PDE7B: variants seen among roughly 807,000 people sequenced by gnomAD.
PDE7B encodes the protein phosphodiesterase 7B, also known as 3',5'-cyclic-AMP phosphodiesterase 7B.
PDE7B carries 29 observed loss-of-function variants against 56.2 expected under a neutral mutation model. The ratio of observed to expected loss-of-function variants is 0.52; its 90% confidence interval spans 0.38 to 0.70. The LOEUF is 0.70. Among genes scored for constraint, PDE7B ranks in the 30% least tolerant of loss-of-function variants. The pLI, the probability that PDE7B is intolerant of heterozygous loss-of-function variation, is 0.00. For synonymous variants in PDE7B, 197 were observed against 196.9 expected, an observed-to-expected ratio of 1.00 and a Z score of 0.00; for missense variants, 490 against 565.0, an observed-to-expected ratio of 0.87 and a Z score of 1.35.
intron 8 of PDE7B, among the ~76,000 whole-genome samples, chr6:136,158,903 T>TACAACGTTGG (rs751520203): frequency 5.3e-5 from 8 of 152,352 alleles, no homozygotes; most frequent in Non-Finnish European, 1.2e-4. Context: ...AAAGTAAGCA[T>TACAACGTTGG]TAAGTTACAT....
In PDE7B at chr6:136,138,906, G is replaced by A. The variant is rs896115926; in HGVS notation, c.167-8445G>A. On this transcript the variant is annotated intron_variant, in intron 3 of 12. Coordinates refer to ENST00000308191, the MANE Select transcript of PDE7B (RefSeq NM_018945.4). ...ATATGCTACATGTTTTAACCTACAAGGCATCATAGAAAATTAACTATGAAA... is the reference window on the plus strand; with the variant it reads ...ATATGCTACATGTTTTAACCTACAAAGCATCATAGAAAATTAACTATGAAA... Among the ~76,000 whole-genome samples, 18 of 152,042 alleles carry A rather than the reference G, an allele frequency of 1.2e-4. 1 individual carries two copies. Among genetic ancestry groups the A allele is most frequent in the African/African-American group, 4.1e-4 (17 of 41,412 alleles).
intron 1 of PDE7B, among the ~76,000 whole-genome samples, chr6:135,916,701 T>C (rs1470127985): frequency 6.6e-6 from 1 of 152,044 alleles, no homozygotes; most frequent in East Asian, 1.9e-4. Flanking sequence ...TGTTTTGCCC[T>C]TTTTTATTGG....
At chr6:136,162,632 G>A (rs1276514193) in intron 8 of PDE7B, among the ~76,000 whole-genome samples, 1 of 152,000 alleles carries the variant, frequency 6.6e-6, no homozygotes, top group African/African-American at 2.4e-5. Context: ...ACTCATTCCA[G>A]CATTAACCCA....
At chr6:136,156,509 C>T (rs753460550) in intron 8 of PDE7B, among the ~76,000 whole-genome samples, 3 of 152,084 alleles carry the variant, frequency 2.0e-5, no homozygotes, top group Admixed American at 6.5e-5. Flanking sequence ...CATGCCCGAC[C>T]GAGAAGGATC....
chr6:136,134,658 C>G (rs761549488), intron 3 of PDE7B, among the ~76,000 whole-genome samples: 2 of 136,382 alleles, frequency 1.5e-5, no homozygotes, highest in African/African-American at 5.4e-5. Context: ...AAAAAGGAAA[C>G]AATAGTTTTC....
At chr6:136,145,884 T>G (rs998512197) in intron 3 of PDE7B, among the ~76,000 whole-genome samples, 1 of 152,196 alleles carries the variant, frequency 6.6e-6, no homozygotes, top group Non-Finnish European at 1.5e-5. Context: ...CTTTCAAGTT[T>G]TTATCTCAAG....
intron 2 of PDE7B, among the ~76,000 whole-genome samples, chr6:136,013,358 G>A (rs1265071611): frequency 1.3e-5 from 2 of 152,184 alleles, no homozygotes; most frequent in Admixed American, 6.5e-5. Flanking sequence ...AGACAAAGGT[G>A]TTCCTCTTTC....
At chr6:135,915,738 G>A (rs1307273989) in intron 1 of PDE7B, among the ~76,000 whole-genome samples, 2 of 152,100 alleles carry the variant, frequency 1.3e-5, no homozygotes, top group Non-Finnish European at 2.9e-5. Context: ...CACTGTCAAC[G>A]ATTTTTTCCA....
intron 9 of PDE7B, among the ~76,000 whole-genome samples, chr6:136,176,743 A>G (rs545585229): frequency 1.3e-3 from 202 of 152,244 alleles, no homozygotes; most frequent in African/African-American, 4.6e-3. Flanking sequence ...ACTAATTTAT[A>G]CTCCCTAACA....
chr6:136,062,567 T>C (rs1187488558), intron 2 of PDE7B, among the ~76,000 whole-genome samples: 1 of 152,208 alleles, frequency 6.6e-6, no homozygotes, highest in Non-Finnish European at 1.5e-5. Flanking sequence ...TACCCTTTTA[T>C]CTTACTTGTG....
intron 2 of PDE7B, among the ~76,000 whole-genome samples, chr6:136,087,913 TAAATA>T (rs758935030): frequency 3.3e-5 from 5 of 152,290 alleles, no homozygotes; most frequent in East Asian, 1.9e-4. Context: ...GAAATTTAAA[TAAATA>T]AAATAAATAA....
chr6:135,961,375 C>T (rs1315492800), intron 2 of PDE7B, among the ~76,000 whole-genome samples: 6 of 150,404 alleles, frequency 4.0e-5, no homozygotes, highest in Non-Finnish European at 8.9e-5. Flanking sequence ...ATCCTCCTAC[C>T]AGCTGTGTAC....
chr6:135,863,296 T>G (rs1003889239), intron 1 of PDE7B, among the ~76,000 whole-genome samples: 3 of 152,056 alleles, frequency 2.0e-5, no homozygotes, highest in African/African-American at 7.2e-5. Flanking sequence ...ATCATTTGCT[T>G]ATATATTATA....
rs575118360 is a variant in PDE7B at position 136,178,026 on chromosome 6, T to C, written c.804-971T>C. Among the ~76,000 whole-genome samples, 9 of 152,360 alleles carry C rather than the reference T, an allele frequency of 5.9e-5. No homozygotes were observed. The East Asian group carries it at 1.2e-3, about 20-fold the overall frequency. On this transcript the variant is annotated intron_variant, in intron 9 of 12. Coordinates refer to ENST00000308191, the MANE Select transcript of PDE7B (RefSeq NM_018945.4). Reference sequence around the variant, plus strand: ...TTTAGCTAAAGAAGTCAGTCACTGATACATACCATATAACTTAAAGTTCAA... The same window carrying C: ...TTTAGCTAAAGAAGTCAGTCACTGACACATACCATATAACTTAAAGTTCAA...
intron 1 of PDE7B, among the ~76,000 whole-genome samples, chr6:135,852,992 C>T (rs1207547829): frequency 2.0e-5 from 3 of 152,174 alleles, no homozygotes; most frequent in Non-Finnish European, 4.4e-5. Context: ...TTCAGTGGCA[C>T]ATTATTATGT....
intron 1 of PDE7B, among the ~76,000 whole-genome samples, chr6:135,934,072 C>G (rs1233758181): frequency 3.3e-5 from 5 of 152,032 alleles, no homozygotes. Context: ...CAATAGATAC[C>G]CATACTAGAG....
chr6:136,097,787 G>A (rs17175097), intron 2 of PDE7B, among the ~76,000 whole-genome samples: 2,577 of 151,874 alleles, frequency 0.017, 34 homozygotes, highest in Non-Finnish European at 0.025. Context: ...GTCTCATCCC[G>A]CCGACCTTGT....
chr6:136,038,247 G>C lies in PDE7B; in HGVS notation c.83-70484G>C, dbSNP rs111970020. The C allele has an allele frequency of 1.2e-3, 1,512 of 1,299,874 alleles. 8 individuals carry two copies. The highest frequency in any genetic ancestry group is 9.7e-3 in the East Asian group (183 of 18,796). 80.5% of individuals were successfully genotyped at this position (1,299,874 alleles called of 1,614,324 possible). On this transcript the variant is annotated intron_variant, in intron 2 of 12. Coordinates refer to ENST00000308191, the MANE Select transcript of PDE7B (RefSeq NM_018945.4). ...AGCAGCAACAGCAGCAGCAGCAGCA[G>C]CACCACCACCACCACTACCTCCTCT...
intron 2 of PDE7B, among the ~76,000 whole-genome samples, chr6:136,049,677 G>T (rs1270156470): frequency 6.6e-6 from 1 of 152,108 alleles, no homozygotes. Flanking sequence ...AATTTGGTGA[G>T]GGAATAAACG....
Sources: gnomAD v4.1 joint callset for allele counts (sites outside exome capture counted in the v4.1 genomes callset) on GRCh38, gnomAD v4.1.1 for gene constraint, MANE v1.5 for transcripts, NCBI Gene and HGNC (gene_info 2026-07-23, HGNC 2026-07-21) for gene names.